Variants in RALGPS2 observed in about 807,000 individuals in gnomAD.
RALGPS2 encodes the protein ras-specific guanine nucleotide-releasing factor RalGPS2.
A neutral mutation model predicts 86.8 loss-of-function variants in RALGPS2; 43 were observed. The ratio of observed to expected loss-of-function variants is 0.50; its 90% CI spans 0.39 to 0.64. The LOEUF is 0.64. Among genes scored for constraint, RALGPS2 ranks in the 30% least tolerant of loss-of-function variants. The probability of loss-of-function intolerance (pLI) is 0.00; values close to 1 mark genes in which losing one functional copy is unlikely to be tolerated. For synonymous variants in RALGPS2, 243 were observed against 231.3 expected (o/e 1.05, Z -0.46); for missense variants, 536 against 694.6 (o/e 0.77, Z 2.57).
intron 1 of RALGPS2, among the ~76,000 whole-genome samples, chr1:178,770,507 C>CTTT (rs747336558): frequency 3.7e-5 from 5 of 136,204 alleles, no homozygotes; most frequent in Admixed American, 1.5e-4. Context: ...ATACTTCATA[C>CTTT]TTTTTTTTTT....
intron 1 of RALGPS2, among the ~76,000 whole-genome samples, chr1:178,766,039 G>A (rs781346283): frequency 2.0e-5 from 3 of 152,132 alleles, no homozygotes; most frequent in Non-Finnish European, 4.4e-5. Context: ...AAAGATGACG[G>A]GATTAAGAGA....
intron 17 of RALGPS2, among the ~76,000 whole-genome samples, chr1:178,901,543 C>G (rs73039879): frequency 0.022 from 3,308 of 151,968 alleles, 138 homozygotes; most frequent in African/African-American, 0.076. Flanking sequence ...GAATGGTTAA[C>G]TACAAAAGTA....
intron 1 of RALGPS2, among the ~76,000 whole-genome samples, chr1:178,756,720 A>G (rs916946557): frequency 6.6e-6 from 1 of 152,126 alleles, no homozygotes; most frequent in Non-Finnish European, 1.5e-5. Context: ...TTATAGGAAT[A>G]GTATTGAATC....
At chr1:178,789,875 T>C (rs1048546472) in intron 4 of RALGPS2, among the ~76,000 whole-genome samples, 8 of 152,214 alleles carry the variant, frequency 5.3e-5, no homozygotes, top group African/African-American at 1.9e-4. Context: ...ATTTAGTAAA[T>C]GTCTGCCCAA....
At position 178,916,327 on chromosome 1, in the gene RALGPS2, T is replaced by C; in HGVS notation, c.1723-3T>C. The stretch of plus-strand genomic sequence containing the variant: ...CTCAGTTTTTAATGCTTATATTTTT[T>C]AGGTTCCTACAAACTTGATGACTTT... On this transcript the variant is annotated splice_polypyrimidine_tract_variant and splice_region_variant and intron_variant, in intron 19 of 19. Transcript: ENST00000367635. The C allele has an allele frequency of 6.3e-7, 1 of 1,592,938 alleles. No individual in the cohort carries two copies. The highest frequency in any genetic ancestry group is 1.1e-5 in the South Asian group (1 of 90,116).
chr1:178,763,669 C>T (rs1010589019), intron 1 of RALGPS2, among the ~76,000 whole-genome samples: 1 of 152,226 alleles, frequency 6.6e-6, no homozygotes, highest in South Asian at 2.1e-4. Context: ...TATAGGAGTG[C>T]TACTGATTTT....
chr1:178,874,301 AATAG>A (rs1448237686), intron 8 of RALGPS2, among the ~76,000 whole-genome samples: 3 of 152,202 alleles, frequency 2.0e-5, no homozygotes, highest in Admixed American at 2.0e-4. Context: ...TAAAAAAGTT[AATAG>A]ATATTTTACA....
At chr1:178,743,182 G>A (rs143118658) in intron 1 of RALGPS2, among the ~76,000 whole-genome samples, 2,512 of 152,220 alleles carry the variant, frequency 0.017, 44 homozygotes, top group Non-Finnish European at 0.025. Context: ...TGTAGCTTGG[G>A]GCAACAGAGT....
At chr1:178,773,450 G>A (rs1572315045) in intron 1 of RALGPS2, among the ~76,000 whole-genome samples, 1 of 152,198 alleles carries the variant, frequency 6.6e-6, no homozygotes, top group South Asian at 2.1e-4. Flanking sequence ...CATATTTAAT[G>A]TGAACTTTTC....
At chr1:178,909,526 A>G (rs976170093) in intron 19 of RALGPS2, among the ~76,000 whole-genome samples, 1 of 152,064 alleles carries the variant, frequency 6.6e-6, no homozygotes, top group African/African-American at 2.4e-5. Flanking sequence ...GGTTTGGACA[A>G]TATGGACATT....
chr1:178,845,806 T>C (rs6660606), intron 8 of RALGPS2, among the ~76,000 whole-genome samples: 7,965 of 152,206 alleles, frequency 0.052, 727 homozygotes, highest in African/African-American at 0.18. Flanking sequence ...CCTGCCTTTA[T>C]AGAACTTAAT....
chr1:178,817,313 C>G (rs957950990), intron 6 of RALGPS2, among the ~76,000 whole-genome samples: 1 of 142,276 alleles, frequency 7.0e-6, no homozygotes, highest in Non-Finnish European at 1.5e-5. Flanking sequence ...CCACTGCACT[C>G]CAGCCTGGGC....
chr1:178,750,425 T>C (rs1037936814), intron 1 of RALGPS2, among the ~76,000 whole-genome samples: 5 of 152,248 alleles, frequency 3.3e-5, no homozygotes, highest in African/African-American at 1.2e-4. Flanking sequence ...GGATATTTGA[T>C]ATTTTGTGCT....
At chr1:178,749,882 C>CTCAGGA (rs1383763850) in intron 1 of RALGPS2, among the ~76,000 whole-genome samples, 1 of 152,046 alleles carries the variant, frequency 6.6e-6, no homozygotes, top group African/African-American at 2.4e-5. Context: ...ATTGCCTGAG[C>CTCAGGA]TCAGGAGTTC....
intron 6 of RALGPS2, among the ~76,000 whole-genome samples, chr1:178,816,995 A>G (rs1171624015): frequency 6.6e-6 from 1 of 152,000 alleles, no homozygotes; most frequent in African/African-American, 2.4e-5. Flanking sequence ...GGTGTGAGCC[A>G]CCGCACCCAG....
chr1:178,865,426 C>T, intron 8 of RALGPS2: 1 of 1,614,012 alleles, frequency 6.2e-7, no homozygotes, highest in Non-Finnish European at 8.5e-7. Flanking sequence ...TTCTCAGCAG[C>T]TTTACCTCAT....
intron 4 of RALGPS2, among the ~76,000 whole-genome samples, chr1:178,806,093 T>A (rs765774109): frequency 3.3e-5 from 5 of 152,046 alleles, no homozygotes; most frequent in Non-Finnish European, 5.9e-5. Context: ...TATATATATT[T>A]TTTTTCTATA....
At chr1:178,812,780 T>C (rs370649648) in intron 6 of RALGPS2, among the ~76,000 whole-genome samples, 6 of 152,158 alleles carry the variant, frequency 3.9e-5, no homozygotes, top group African/African-American at 1.4e-4. Context: ...GTCATAACTC[T>C]TTCCTATTTT....
intron 4 of RALGPS2, among the ~76,000 whole-genome samples, chr1:178,794,185 C>T (rs150431532): frequency 8.5e-5 from 13 of 152,182 alleles, no homozygotes; most frequent in South Asian, 4.1e-4. Flanking sequence ...GATGTGATCT[C>T]GGTTCACTGC....
Sources: gnomAD v4.1 joint callset for allele counts (sites outside exome capture counted in the v4.1 genomes callset) on GRCh38, gnomAD v4.1.1 for gene constraint, MANE v1.5 for transcripts, NCBI Gene and HGNC (gene_info 2026-07-23, HGNC 2026-07-21) for gene names.